NRG3: variants seen among roughly 807,000 people sequenced by gnomAD.
The protein encoded by NRG3 is neuregulin 3, also known as pro-neuregulin-3, membrane-bound isoform.
NRG3 carries 31 observed loss-of-function variants against 66.9 expected under a neutral mutation model. The observed-to-expected ratio is 0.46, with a 90% CI of 0.35 to 0.63. The LOEUF is 0.63. Among genes scored for constraint, NRG3 ranks in the 20% least tolerant of loss-of-function variants. The probability of loss-of-function intolerance (pLI) is 0.00; values close to 1 mark genes in which losing one functional copy is unlikely to be tolerated. For synonymous variants in NRG3, 393 were observed against 359.4 expected, an observed-to-expected ratio of 1.09 and a Z score of -1.06; for missense variants, 910 against 878.9, an observed-to-expected ratio of 1.04 and a Z score of -0.45.
At chr10:82,506,560 A>C in intron 2 of NRG3, among the ~76,000 whole-genome samples, 1 of 148,338 alleles carries the variant, frequency 6.7e-6, no homozygotes, top group African/African-American at 2.5e-5. Context: ...TTCCTCTCTT[A>C]CTCCCTCTTT....
intron 2 of NRG3, among the ~76,000 whole-genome samples, chr10:82,500,184 T>C (rs1844031641): frequency 6.6e-6 from 1 of 152,054 alleles, no homozygotes; most frequent in African/African-American, 2.4e-5. Flanking sequence ...AGTCCTGAAG[T>C]CTCTATTTGA....
chr10:82,716,478 T>G (rs72829389), intron 2 of NRG3, among the ~76,000 whole-genome samples: 6,769 of 152,218 alleles, frequency 0.044, 218 homozygotes, highest in Non-Finnish European at 0.056. Flanking sequence ...GCATTAGCAC[T>G]GAGACTCAGC....
rs367993461 is a variant in NRG3, at chr10:82,132,505, C to CATATATATATATCATAT, written c.824-226224_824-226223insATCATATATATATATAT. Among the ~76,000 whole-genome samples, 110 of 60,328 alleles carry CATATATATATATCATAT rather than the reference C, an allele frequency of 1.8e-3. 3 individuals carry two copies. The highest frequency in any genetic ancestry group is 5.0e-3 in the African/African-American group (105 of 20,908). The allele number at this position is 60,328 out of a possible 152,430, so 39.6% of individuals were successfully genotyped here. A position where few individuals can be genotyped will look rare whatever the true frequency, so the allele number is the denominator to read the frequency against. ...ATATATATATATGATATATATATAT[C>CATATATATATATCATAT]ATATATATATGATATATATGATATA... is the stretch of plus-strand genomic sequence containing the variant. On this transcript the variant is annotated intron_variant, in intron 1 of 8. Coordinates refer to ENST00000372141, the MANE Select transcript of NRG3 (RefSeq NM_001010848.4).
At chr10:82,648,814 T>A (rs999875130) in intron 2 of NRG3, among the ~76,000 whole-genome samples, 1 of 152,172 alleles carries the variant, frequency 6.6e-6, no homozygotes, top group African/African-American at 2.4e-5. Context: ...GTTTGTCTGT[T>A]ACTGGTGTAT....
At chr10:82,451,993 T>C (rs1267087410) in intron 2 of NRG3, among the ~76,000 whole-genome samples, 4 of 152,172 alleles carry the variant, frequency 2.6e-5, no homozygotes, top group African/African-American at 7.2e-5. Context: ...AGTGGTTAAG[T>C]AGGATTCATA....
intron 2 of NRG3, among the ~76,000 whole-genome samples, chr10:82,474,900 C>A (rs1004466856): frequency 7.2e-5 from 11 of 151,818 alleles, no homozygotes; most frequent in African/African-American, 2.7e-4. Context: ...TATGATAATT[C>A]CTTCTAAGAT....
At chr10:82,543,994 C>T (rs2132790127) in intron 2 of NRG3, among the ~76,000 whole-genome samples, 1 of 152,220 alleles carries the variant, frequency 6.6e-6, no homozygotes, top group Admixed American at 6.5e-5. Context: ...CCTAGGTTAG[C>T]CATTTAATAA....
chr10:82,114,674 T>A (rs2067592556), intron 1 of NRG3, among the ~76,000 whole-genome samples: 1 of 152,182 alleles, frequency 6.6e-6, no homozygotes, highest in South Asian at 2.1e-4. Flanking sequence ...CTGACTGATA[T>A]TTGGTCATAC....
intron 2 of NRG3, among the ~76,000 whole-genome samples, chr10:82,479,233 TTGTC>T (rs1842027945): frequency 6.6e-6 from 1 of 152,156 alleles, no homozygotes; most frequent in African/African-American, 2.4e-5. Context: ...CTCAATTTCT[TTGTC>T]TGAAATATAG....
intron 1 of NRG3, among the ~76,000 whole-genome samples, chr10:82,347,700 C>T (rs2083123103): frequency 6.6e-6 from 1 of 152,180 alleles, no homozygotes; most frequent in Non-Finnish European, 1.5e-5. Flanking sequence ...GTGTGGGAGT[C>T]TAAGTCTCTT....
chr10:82,465,952 G>C (rs1449871281), intron 2 of NRG3, among the ~76,000 whole-genome samples: 5 of 152,156 alleles, frequency 3.3e-5, no homozygotes, highest in Admixed American at 6.5e-5. Context: ...GATCTATCCA[G>C]CTTCTTTAGA....
chr10:82,885,584 C>G (rs879600765), intron 4 of NRG3, among the ~76,000 whole-genome samples: 1 of 152,126 alleles, frequency 6.6e-6, no homozygotes, highest in Non-Finnish European at 1.5e-5. Flanking sequence ...TAAATTTTGT[C>G]CTATGTCAAT....
At position 82,118,440 on chromosome 10, in the gene NRG3, A is replaced by G. The variant is rs896714371; in HGVS notation, c.824-240299A>G. Among the ~76,000 whole-genome samples the G allele has an allele frequency of 2.6e-5, 4 of 152,016 alleles. No individual in the cohort carries two copies. In the South Asian group the frequency reaches 8.3e-4, roughly 32 times the overall value. ...AAGATGAGAAGCTTTATTTAGAATGAGATTTGGGCTGAAAATGACTGTAGA... is the reference window on the plus strand; with the variant it reads ...AAGATGAGAAGCTTTATTTAGAATGGGATTTGGGCTGAAAATGACTGTAGA... On this transcript the variant is annotated intron_variant, in intron 1 of 8. Transcript: ENST00000372141.
intron 4 of NRG3, among the ~76,000 whole-genome samples, chr10:82,902,091 T>C (rs565361690): frequency 6.6e-6 from 1 of 152,304 alleles, no homozygotes; most frequent in East Asian, 1.9e-4. Context: ...ATTCTATTAT[T>C]GCATATATTT....
chr10:82,535,396 T>C (rs932349985), intron 2 of NRG3, among the ~76,000 whole-genome samples: 6 of 151,606 alleles, frequency 4.0e-5, no homozygotes, highest in Non-Finnish European at 7.4e-5. Flanking sequence ...GGAACTGGAG[T>C]GCTACCAAAC....
At chr10:82,755,513 A>G (rs1294174240) in intron 3 of NRG3, among the ~76,000 whole-genome samples, 2 of 152,128 alleles carry the variant, frequency 1.3e-5, no homozygotes, top group Non-Finnish European at 2.9e-5. Flanking sequence ...TCCTATTTCT[A>G]GCTGAAGCTT....
intron 2 of NRG3, among the ~76,000 whole-genome samples, chr10:82,589,419 A>G (rs1208241105): frequency 6.6e-6 from 1 of 152,168 alleles, no homozygotes; most frequent in Non-Finnish European, 1.5e-5. Context: ...TCTTTCAGGC[A>G]TGTAGTGTCA....
intron 2 of NRG3, among the ~76,000 whole-genome samples, chr10:82,706,724 T>G (rs1189279193): frequency 1.3e-5 from 2 of 152,204 alleles, no homozygotes; most frequent in African/African-American, 4.8e-5. Flanking sequence ...TTGGGCGTGG[T>G]GGCTCACGCC....
intron 2 of NRG3, among the ~76,000 whole-genome samples, chr10:82,488,377 C>G (rs1842847675): frequency 6.6e-6 from 1 of 152,284 alleles, no homozygotes; most frequent in South Asian, 2.1e-4. Context: ...TAGGGCTGAA[C>G]TTAGAATGAG....
Sources: gnomAD v4.1 joint callset for allele counts (sites outside exome capture counted in the v4.1 genomes callset) on GRCh38, gnomAD v4.1.1 for gene constraint, MANE v1.5 for transcripts, NCBI Gene and HGNC (gene_info 2026-07-23, HGNC 2026-07-21) for gene names.